Variants in LSAMP observed in about 807,000 individuals in gnomAD.
LSAMP encodes the protein limbic system associated membrane protein.
A neutral mutation model predicts 38.6 loss-of-function variants in LSAMP; 7 were observed. The observed-to-expected ratio is 0.18, with a 90% confidence interval of 0.10 to 0.34. The LOEUF is 0.34. Among genes scored for constraint, LSAMP ranks in the 10% least tolerant of loss-of-function variants. The pLI, the probability that LSAMP is intolerant of heterozygous loss-of-function variation, is 1.00. For missense variants in LSAMP, 313 were observed against 420.0 expected (o/e 0.75, Z 2.23); for synonymous variants, 154 against 166.8 (o/e 0.92, Z 0.59).
intron 3 of LSAMP, among the ~76,000 whole-genome samples, chr3:116,015,085 C>T (rs1364860544): frequency 1.3e-5 from 2 of 152,074 alleles, no homozygotes; most frequent in Non-Finnish European, 2.9e-5. Flanking sequence ...ACAATATTTT[C>T]CCACTCACTC....
At chr3:115,980,828 G>A (rs1214651015) in intron 3 of LSAMP, among the ~76,000 whole-genome samples, 1 of 152,106 alleles carries the variant, frequency 6.6e-6, no homozygotes, top group Non-Finnish European at 1.5e-5. Flanking sequence ...ATCTTTTGCT[G>A]TTCTCTGTTG....
At chr3:116,283,442 A>C (rs1289964663) in intron 1 of LSAMP, among the ~76,000 whole-genome samples, 2 of 152,168 alleles carry the variant, frequency 1.3e-5, no homozygotes, top group Non-Finnish European at 2.9e-5. Flanking sequence ...ATAGAGGAAA[A>C]AACTATTGAC....
chr3:115,910,323 A>T (rs1937107033), intron 3 of LSAMP, among the ~76,000 whole-genome samples: 1 of 152,206 alleles, frequency 6.6e-6, no homozygotes, highest in Non-Finnish European at 1.5e-5. Flanking sequence ...TTGCAAATGT[A>T]AAATTTCTTT....
intron 1 of LSAMP, among the ~76,000 whole-genome samples, chr3:116,392,171 G>A (rs578003305): frequency 4.6e-5 from 7 of 152,206 alleles, no homozygotes; most frequent in Non-Finnish European, 7.3e-5. Context: ...CACTGAGCCA[G>A]TGGGAGCTGG....
chr3:116,206,225 T>C (rs2046067100), intron 1 of LSAMP, among the ~76,000 whole-genome samples: 1 of 149,386 alleles, frequency 6.7e-6, no homozygotes, highest in Non-Finnish European at 1.5e-5. Context: ...TGGTAGTTTG[T>C]ATTTCTGTGG....
chr3:116,230,735 G>T lies in LSAMP; in HGVS notation c.156-144179C>A, dbSNP rs191134492. On this transcript the variant is annotated intron_variant, in intron 1 of 6. Coordinates refer to ENST00000490035, the MANE Select transcript of LSAMP (RefSeq NM_002338.5). The stretch of plus-strand genomic sequence containing the variant: ...CTTGGAACCCACTCGGCTTTTGTGC[G>T]CTGATGCATTTACAGTACTAGTAAT... 2.0e-5 allele frequency among the ~76,000 whole-genome samples: 3 copies of T among 152,206 alleles called. No homozygotes were observed. In the East Asian group the frequency reaches 5.8e-4, roughly 29 times the overall value.
At chr3:116,226,491 C>T (rs112949851) in intron 1 of LSAMP, among the ~76,000 whole-genome samples, 16 of 152,194 alleles carry the variant, frequency 1.1e-4, no homozygotes, top group South Asian at 2.1e-4. Context: ...TCTCTGTCAG[C>T]GACACCATCC....
chr3:116,232,143 A>G (rs2046408521), intron 1 of LSAMP, among the ~76,000 whole-genome samples: 4 of 152,226 alleles, frequency 2.6e-5, no homozygotes, highest in Admixed American at 2.6e-4. Context: ...ACATTAAATC[A>G]ATAGCTCTCT....
chr3:116,131,817 A>G (rs1451205478), intron 1 of LSAMP, among the ~76,000 whole-genome samples: 2 of 150,722 alleles, frequency 1.3e-5, no homozygotes, highest in Non-Finnish European at 3.0e-5. Context: ...AGCCTCCTAA[A>G]TTTCTTTTCT....
At chr3:116,265,657 C>A (rs1037860824) in intron 1 of LSAMP, among the ~76,000 whole-genome samples, 7 of 152,130 alleles carry the variant, frequency 4.6e-5, no homozygotes, top group East Asian at 1.9e-4. Context: ...GGTATATCAT[C>A]CTCCCCACCT....
chr3:116,306,000 C>A (rs1204367208), intron 1 of LSAMP, among the ~76,000 whole-genome samples: 1 of 151,118 alleles, frequency 6.6e-6, no homozygotes, highest in Non-Finnish European at 1.5e-5. Context: ...TACTGTGTGC[C>A]CAGTACATTT....
intron 1 of LSAMP, among the ~76,000 whole-genome samples, chr3:116,325,383 T>A (rs2047756367): frequency 6.6e-6 from 1 of 152,174 alleles, no homozygotes; most frequent in Non-Finnish European, 1.5e-5. Flanking sequence ...CTTATCTTAG[T>A]CATATACTCT....
chr3:115,804,638 T>C lies in LSAMP; in HGVS notation c.*5679A>G, dbSNP rs1456698113. 1 of 152,218 alleles carries C rather than the reference T, an allele frequency of 6.6e-6. No individual in the cohort carries two copies. The highest frequency in any genetic ancestry group is 1.5e-5 in the Non-Finnish European group (1 of 68,028). 9.4% of individuals were successfully genotyped at this position (152,218 alleles called of 1,614,324 possible). The stretch of plus-strand genomic sequence containing the variant: ...AGTGCATTTAAAGCCTGAAGTTAAT[T>C]TGACCTAAAATTTTTATAAGTCTTT... On this transcript the variant is annotated 3_prime_UTR_variant, in exon 7 of 7. Coordinates refer to ENST00000490035, the MANE Select transcript of LSAMP (RefSeq NM_002338.5).
intron 1 of LSAMP, among the ~76,000 whole-genome samples, chr3:116,206,261 A>AT (rs2046067558): frequency 6.7e-6 from 1 of 148,184 alleles, no homozygotes; most frequent in Non-Finnish European, 1.5e-5. Context: ...CCCCTTTATC[A>AT]TTTTTTATTG....
At chr3:115,920,299 C>T (rs1052206385) in intron 3 of LSAMP, among the ~76,000 whole-genome samples, 7 of 152,268 alleles carry the variant, frequency 4.6e-5, no homozygotes, top group Non-Finnish European at 7.4e-5. Context: ...ATTTTACTTT[C>T]CCACCAACAG....
chr3:115,810,686 T>C (rs913877796), intron 6 of LSAMP, among the ~76,000 whole-genome samples: 6 of 152,222 alleles, frequency 3.9e-5, no homozygotes, highest in Admixed American at 6.5e-5. Context: ...CTATCACTAA[T>C]GTGTCTGATG....
At chr3:116,065,296 G>T (rs1224250287) in intron 2 of LSAMP, among the ~76,000 whole-genome samples, 1 of 152,186 alleles carries the variant, frequency 6.6e-6, no homozygotes, top group Non-Finnish European at 1.5e-5. Context: ...AAAACAGTTA[G>T]ATTTATATAT....
intron 1 of LSAMP, among the ~76,000 whole-genome samples, chr3:116,212,703 T>C (rs1034189218): frequency 6.6e-5 from 10 of 152,234 alleles, no homozygotes; most frequent in Non-Finnish European, 1.5e-5. Context: ...TTTGGAGTTA[T>C]AAGTTTTTGT....
At chr3:115,893,353 C>T (rs187446011) in intron 3 of LSAMP, among the ~76,000 whole-genome samples, 10 of 151,876 alleles carry the variant, frequency 6.6e-5, no homozygotes, top group South Asian at 2.1e-4. Flanking sequence ...AGAACTCTGA[C>T]GACAAACTGG....
Sources: gnomAD v4.1 joint callset for allele counts (sites outside exome capture counted in the v4.1 genomes callset) on GRCh38, gnomAD v4.1.1 for gene constraint, MANE v1.5 for transcripts, NCBI Gene and HGNC (gene_info 2026-07-23, HGNC 2026-07-21) for gene names.